MED13L: variants seen among roughly 807,000 people sequenced by gnomAD.
The protein encoded by MED13L is mediator complex subunit 13L, also known as mediator of RNA polymerase II transcription subunit 13-like.
Under a neutral mutation model 220.9 loss-of-function variants are expected in MED13L, and 7 were observed. The ratio of observed to expected loss-of-function variants is 0.03; its 90% CI spans 0.02 to 0.06. The LOEUF (loss-of-function observed/expected upper bound fraction) is 0.06, where lower values mean the gene tolerates loss of function less well. MED13L is among the 10% of genes least tolerant of loss of function. The pLI is 1.00. For synonymous variants in MED13L, 1,011 were observed against 1,015.2 expected (o/e 1.00, Z 0.08); for missense variants, 1,965 against 2,760.5 (o/e 0.71, Z 6.46).
At position 115,960,146 on chromosome 12, in the gene MED13L, T is replaced by C. The variant is rs1007565064; in HGVS notation, c.*1120A>G. ...AAGTACTAATTTAATGGTTAAGTTGTAATATTTCTTTGAAATAATATTCCT... is the reference window on the plus strand; with the variant it reads ...AAGTACTAATTTAATGGTTAAGTTGCAATATTTCTTTGAAATAATATTCCT... On this transcript the variant is annotated 3_prime_UTR_variant, in exon 31 of 31. Coordinates refer to ENST00000281928, the MANE Select transcript of MED13L (RefSeq NM_015335.5). 6.6e-6 allele frequency: 1 copy of C among 152,656 alleles called. No homozygotes were observed. The highest frequency in any genetic ancestry group is 1.5e-5 in the Non-Finnish European group (1 of 68,034). The allele number at this position is 152,656 out of a possible 1,614,324, so 9.5% of individuals were successfully genotyped here.
chr12:116,104,265 C>T (rs1173922808), intron 3 of MED13L, among the ~76,000 whole-genome samples: 6 of 152,036 alleles, frequency 3.9e-5, no homozygotes. Flanking sequence ...CTGTCTCGGC[C>T]TCCCAAAGTG....
intron 2 of MED13L, among the ~76,000 whole-genome samples, chr12:116,186,284 G>A (rs1388903693): frequency 1.3e-5 from 2 of 152,028 alleles, no homozygotes; most frequent in Non-Finnish European, 2.9e-5. Flanking sequence ...CCTGCAAACC[G>A]ATCACATCTG....
At chr12:116,255,302 T>C (rs1387848967) in intron 1 of MED13L, among the ~76,000 whole-genome samples, 1 of 152,208 alleles carries the variant, frequency 6.6e-6, no homozygotes, top group African/African-American at 2.4e-5. Flanking sequence ...AAATGATGTT[T>C]AAATAGTTTG....
intron 1 of MED13L, among the ~76,000 whole-genome samples, chr12:116,270,761 A>G (rs912794330): frequency 2.6e-5 from 4 of 152,026 alleles, no homozygotes; most frequent in Admixed American, 2.6e-4. Context: ...GAAAATTATC[A>G]GCCGGGCGCG....
At chr12:115,987,905 G>A (rs1359812848) in intron 17 of MED13L, among the ~76,000 whole-genome samples, 7 of 152,170 alleles carry the variant, frequency 4.6e-5, no homozygotes, top group African/African-American at 7.2e-5. Context: ...CCCAGCAGTC[G>A]CCCTGGGGAG....
rs538923432 is a variant in MED13L at position 116,233,978 on chromosome 12, G to A, written c.310+3490C>T. The stretch of plus-strand genomic sequence containing the variant: ...TAAAACTAACTTGTGTGTGTACCCT[G>A]TAGGATTATTCTCATTTTATGGGAT... On this transcript the variant is annotated intron_variant, in intron 2 of 30. Transcript: ENST00000281928. 6.6e-4 allele frequency among the ~76,000 whole-genome samples: 101 copies of A among 152,262 alleles called. 1 individual carries two copies. Among genetic ancestry groups the A allele is most frequent in the African/African-American group, 2.3e-3 (96 of 41,558 alleles).
intron 4 of MED13L, among the ~76,000 whole-genome samples, chr12:116,085,022 C>T (rs1183447072): frequency 1.3e-5 from 2 of 152,158 alleles, no homozygotes; most frequent in Non-Finnish European, 2.9e-5. Flanking sequence ...TTCTCAATAA[C>T]AGTTAACACT....
intron 2 of MED13L, among the ~76,000 whole-genome samples, chr12:116,222,208 T>C (rs921683387): frequency 3.3e-5 from 5 of 152,220 alleles, no homozygotes; most frequent in African/African-American, 1.2e-4. Context: ...ATTCACTTCA[T>C]GTTGTACCAT....
At chr12:116,156,287 A>G (rs1471726101) in intron 2 of MED13L, among the ~76,000 whole-genome samples, 1 of 151,814 alleles carries the variant, frequency 6.6e-6, no homozygotes, top group African/African-American at 2.4e-5. Flanking sequence ...TGAAGCATAT[A>G]TTATACATAA....
intron 19 of MED13L, among the ~76,000 whole-genome samples, chr12:115,984,866 C>T (rs1332557090): frequency 6.6e-6 from 1 of 151,590 alleles, no homozygotes; most frequent in African/African-American, 2.4e-5. Flanking sequence ...ATGCTGATCG[C>T]CTTTTTTTTT....
intron 2 of MED13L, among the ~76,000 whole-genome samples, chr12:116,120,077 G>C (rs1285161460): frequency 6.6e-6 from 1 of 151,804 alleles, no homozygotes; most frequent in Admixed American, 6.6e-5. Flanking sequence ...AACATGCATA[G>C]AGTTGACTTG....
chr12:116,118,323 AATAGAAAATTATAAATT>A, intron 2 of MED13L, among the ~76,000 whole-genome samples: 1 of 152,150 alleles, frequency 6.6e-6, no homozygotes. Flanking sequence ...CTTAGAAAAC[AATAGAAAATTATAAATT>A]ATAAGTTAAC....
At chr12:116,036,529 C>T (rs1881205199) in intron 4 of MED13L, among the ~76,000 whole-genome samples, 2 of 152,124 alleles carry the variant, frequency 1.3e-5, no homozygotes. Context: ...GCTTTCAAAA[C>T]GTATTATGAA....
In MED13L at chr12:116,021,612, C is replaced by T. The variant is rs181671707; in HGVS notation, c.625+844G>A. Among the ~76,000 whole-genome samples the T allele has an allele frequency of 3.9e-5, 6 of 152,152 alleles. No individual in the cohort carries two copies. The East Asian group carries it at 1.2e-3, about 29-fold the overall frequency. ...GCTAAATGCTCATGACAGGCTTTTA[C>T]AGCAATTATAATATTTTAGTCAAGT... On this transcript the variant is annotated intron_variant, in intron 5 of 30. Coordinates refer to ENST00000281928, the MANE Select transcript of MED13L (RefSeq NM_015335.5).
chr12:116,056,284 T>C (rs999977959), intron 4 of MED13L, among the ~76,000 whole-genome samples: 4 of 133,278 alleles, frequency 3.0e-5, no homozygotes, highest in Non-Finnish European at 7.2e-5. Context: ...GTTTTTTGTT[T>C]GTTTTTTTTT....
intron 2 of MED13L, among the ~76,000 whole-genome samples, chr12:116,159,041 TCAA>T (rs1033258276): frequency 2.6e-5 from 4 of 152,168 alleles, no homozygotes; most frequent in Admixed American, 6.5e-5. Flanking sequence ...CTACCTTCCT[TCAA>T]CAACAACTTC....
chr12:115,997,433 G>A (rs190317655), intron 14 of MED13L, among the ~76,000 whole-genome samples: 1 of 152,212 alleles, frequency 6.6e-6, no homozygotes, highest in Admixed American at 6.5e-5. Context: ...GTTTTGTTTT[G>A]TTTCGTGAGA....
chr12:116,220,046 T>G (rs958467416), intron 2 of MED13L, among the ~76,000 whole-genome samples: 1 of 152,052 alleles, frequency 6.6e-6, no homozygotes, highest in African/African-American at 2.4e-5. Context: ...CCACCCCGCC[T>G]CAGCCTCCCA....
chr12:116,032,977 G>A (rs527877925), intron 4 of MED13L, among the ~76,000 whole-genome samples: 6 of 152,066 alleles, frequency 3.9e-5, no homozygotes, highest in African/African-American at 1.2e-4. Context: ...AAAGGGTGGC[G>A]GGGAGAAGGA....
Sources: gnomAD v4.1 joint callset for allele counts (sites outside exome capture counted in the v4.1 genomes callset) on GRCh38, gnomAD v4.1.1 for gene constraint, MANE v1.5 for transcripts, NCBI Gene and HGNC (gene_info 2026-07-23, HGNC 2026-07-21) for gene names.